Variants in KLHL18 observed in about 807,000 individuals in gnomAD.
KLHL18 encodes the protein kelch-like protein 18.
A neutral mutation model predicts 58.5 loss-of-function variants in KLHL18; 38 were observed. The ratio of observed to expected loss-of-function variants is 0.65; its 90% confidence interval spans 0.50 to 0.85. KLHL18 has a LOEUF of 0.85. Among genes scored for constraint, KLHL18 ranks in the 40% least tolerant of loss-of-function variants. The probability of loss-of-function intolerance (pLI) is 0.00; values close to 1 mark genes in which losing one functional copy is unlikely to be tolerated. For synonymous variants in KLHL18, 303 were observed against 301.9 expected (o/e 1.00, Z -0.04); for missense variants, 624 against 778.4 (o/e 0.80, Z 2.36).
intron 1 of KLHL18, among the ~76,000 whole-genome samples, chr3:47,288,835 G>A (rs1341275243): frequency 6.6e-6 from 1 of 152,156 alleles, no homozygotes; most frequent in African/African-American, 2.4e-5. Context: ...TTGGCATAAG[G>A]CTTGGCCTAG....
Position 47,343,911 on chromosome 3 carries a change from T to A in KLHL18, c.1695T>A (p.Gly565=). ...APMACHEGGV[G]VGCIPLLTI is the part of the protein sequence containing the mutation. ...TGGCGTGCCATGAGGGAGGGGTCGG[T>A]GTGGGCTGCATCCCTCTCCTCACCA... Residue 565 remains glycine, a synonymous_variant, in exon 10 of 10, where the codon GGT becomes GGA. Transcript: ENST00000232766. 1 of 1,613,788 alleles carries A rather than the reference T, an allele frequency of 6.2e-7. No homozygotes were observed. Among genetic ancestry groups the A allele is most frequent in the Non-Finnish European group, 8.5e-7 (1 of 1,179,970 alleles).
At position 47,319,829 on chromosome 3, in the gene KLHL18, A is replaced by C. The variant is rs767749415; in HGVS notation, c.260+46A>C. On this transcript the variant is annotated intron_variant, in intron 2 of 9. Coordinates refer to ENST00000232766, the MANE Select transcript of KLHL18 (RefSeq NM_025010.5). ...GTTTCGCAGGCTGCTTTCCAAGTGC[A>C]GTTTCAGCCTGTGCACGGTTCCGTT... The C allele has an allele frequency of 3.1e-6, 5 of 1,606,022 alleles. No individual in the cohort carries two copies. In the South Asian group the frequency reaches 5.5e-5, roughly 18 times the overall value.
rs10687949 is a variant in KLHL18, at chr3:47,300,637, C to CT, written c.129+17562dup. Among the ~76,000 whole-genome samples the CT allele has an allele frequency of 2.3e-3, 180 of 76,930 alleles. 6 individuals carry two copies. Among genetic ancestry groups the CT allele is most frequent in the African/African-American group, 7.1e-3 (143 of 20,140 alleles). 50.5% of individuals were successfully genotyped at this position (76,930 alleles called of 152,430 possible). A position where few individuals can be genotyped will look rare whatever the true frequency, so the allele number is the denominator to read the frequency against. The stretch of plus-strand genomic sequence containing the variant: ...TGAGTAGTGGTATCTCATTGTGATT[C>CT]TTTTTTTTTTTTTTTTTTTGAGACA... On this transcript the variant is annotated intron_variant, in intron 1 of 9. Coordinates refer to ENST00000232766, the MANE Select transcript of KLHL18 (RefSeq NM_025010.5).
chr3:47,293,872 G>A lies in KLHL18; in HGVS notation c.129+10778G>A, dbSNP rs1391419923. 5.3e-5 allele frequency among the ~76,000 whole-genome samples: 8 copies of A among 152,240 alleles called. No homozygotes were observed. In the East Asian group the frequency reaches 1.5e-3, roughly 29 times the overall value. On this transcript the variant is annotated intron_variant, in intron 1 of 9. Coordinates refer to ENST00000232766, the MANE Select transcript of KLHL18 (RefSeq NM_025010.5). ...TCTAGTCGTGCACAGTTGAAACTCTGGGATTGTCTTTGGCTCATCCTCTCT... is the reference window on the plus strand; with the variant it reads ...TCTAGTCGTGCACAGTTGAAACTCTAGGATTGTCTTTGGCTCATCCTCTCT...
chr3:47,314,055 C>G (rs72909157), intron 1 of KLHL18, among the ~76,000 whole-genome samples: 10,726 of 151,976 alleles, frequency 0.071, 1,268 homozygotes, highest in African/African-American at 0.24. Context: ...TTTTATTTTT[C>G]GAGACATTCT....
At chr3:47,321,451 G>A (rs1703586182) in intron 2 of KLHL18, among the ~76,000 whole-genome samples, 1 of 151,620 alleles carries the variant, frequency 6.6e-6, no homozygotes, top group Admixed American at 6.6e-5. Context: ...TTGGATTCAA[G>A]CGATTCTTCT....
chr3:47,310,479 GTT>G (rs1261195564), intron 1 of KLHL18, among the ~76,000 whole-genome samples: 1 of 152,144 alleles, frequency 6.6e-6, no homozygotes, highest in African/African-American at 2.4e-5. Context: ...CACACTTCGA[GTT>G]CTCTCCCTGA....
In KLHL18 at chr3:47,283,059, C is replaced by G; in HGVS notation, c.94C>G (p.Arg32Gly). The change falls in exon 1 of 10, where the codon CGG (arginine) becomes GGG (glycine). Residue 32 changes from arginine (R) to glycine (G), a missense_variant. Transcript: ENST00000232766. The stretch of plus-strand genomic sequence containing the variant: ...CGGCTACGGCGTCATGGAGGAGATC[C>G]GGCGGCAGGGCAAGCTGTGCGACGT... ...SRGYGVMEEIRRQGKLCDVTL... is the reference protein window; with the variant it reads ...SRGYGVMEEIGRQGKLCDVTL... 1.9e-6 allele frequency: 3 copies of G among 1,594,926 alleles called. No homozygotes were observed. The highest frequency in any genetic ancestry group is 2.6e-6 in the Non-Finnish European group (3 of 1,171,176).
chr3:47,309,804 C>T (rs2107610147), intron 1 of KLHL18, among the ~76,000 whole-genome samples: 1 of 152,328 alleles, frequency 6.6e-6, no homozygotes, highest in East Asian at 1.9e-4. Context: ...TGGAGACCAG[C>T]CCGGCCAACA....
At chr3:47,290,822 G>GCA (rs1167872923) in intron 1 of KLHL18, among the ~76,000 whole-genome samples, 1 of 152,174 alleles carries the variant, frequency 6.6e-6, no homozygotes, top group Non-Finnish European at 1.5e-5. Context: ...TCCTTGAGGG[G>GCA]CACAGCACTT....
At position 47,334,829 on chromosome 3, in the gene KLHL18, G is replaced by A. The variant is rs770820819; in HGVS notation, c.898+10G>A. ...GGCCTCAACTCAGCAGGTACCTTGC[G>A]GCTCCCCTTTATAGACCCTCCTCTT... On this transcript the variant is annotated intron_variant, in intron 6 of 9. Coordinates refer to ENST00000232766, the MANE Select transcript of KLHL18 (RefSeq NM_025010.5). The surrounding 1 kb of genome is among the most constrained non-coding windows in gnomAD (Gnocchi z 4.7). 7.5e-6 allele frequency: 12 copies of A among 1,607,108 alleles called. No homozygotes were observed. Among genetic ancestry groups the A allele is most frequent in the African/African-American group, 2.7e-5 (2 of 74,734 alleles).
At chr3:47,284,441 T>G (rs188532437) in intron 1 of KLHL18, among the ~76,000 whole-genome samples, 2 of 150,096 alleles carry the variant, frequency 1.3e-5, no homozygotes, top group Admixed American at 1.3e-4. Flanking sequence ...GTTCAAGCGA[T>G]TCTCCTGCCT....
At chr3:47,328,639 A>G (rs1220418430) in intron 3 of KLHL18, among the ~76,000 whole-genome samples, 2 of 152,108 alleles carry the variant, frequency 1.3e-5, no homozygotes, top group Non-Finnish European at 2.9e-5. Flanking sequence ...CAATCTCAGC[A>G]CCACCACTTG....
At chr3:47,307,542 T>C (rs76353493) in intron 1 of KLHL18, among the ~76,000 whole-genome samples, 1 of 137,852 alleles carries the variant, frequency 7.3e-6, no homozygotes, top group African/African-American at 2.6e-5. Context: ...ATTTTTCTTC[T>C]TTTTTTTTTT....
chr3:47,342,160 C>T (rs772882925), intron 8 of KLHL18, among the ~76,000 whole-genome samples: 3 of 152,142 alleles, frequency 2.0e-5, no homozygotes, highest in Non-Finnish European at 4.4e-5. Flanking sequence ...AGCCACTGGA[C>T]GGACATGGTG....
At chr3:47,343,055 C>G (rs1704144671) in intron 9 of KLHL18, among the ~76,000 whole-genome samples, 1 of 152,198 alleles carries the variant, frequency 6.6e-6, no homozygotes, top group African/African-American at 2.4e-5. Context: ...AGCCACCACC[C>G]TGTTCTACTG....
chr3:47,319,510 G>A, intron 1 of KLHL18, 143 bp from the exon 2 acceptor site: 1 of 746,100 alleles, frequency 1.3e-6, no homozygotes, highest in Non-Finnish European at 2.2e-6. Flanking sequence ...TGGCCTCCAT[G>A]CCCTGGGATG....
intron 1 of KLHL18, among the ~76,000 whole-genome samples, chr3:47,301,135 C>G (rs924137101): frequency 2.6e-5 from 4 of 151,856 alleles, no homozygotes; most frequent in Non-Finnish European, 4.4e-5. Context: ...ACAGATAGAT[C>G]TTTGTCAGGT....
intron 1 of KLHL18, among the ~76,000 whole-genome samples, chr3:47,302,275 A>G (rs1703043288): frequency 6.6e-6 from 1 of 152,194 alleles, no homozygotes; most frequent in Non-Finnish European, 1.5e-5. Flanking sequence ...TCATGAGGTC[A>G]AGAGATCAAG....
Sources: gnomAD v4.1 joint callset for allele counts (sites outside exome capture counted in the v4.1 genomes callset) on GRCh38, gnomAD v4.1.1 for gene constraint, Gnocchi (gnomAD v3.1) non-coding constraint, MANE v1.5 for transcripts, NCBI Gene and HGNC (gene_info 2026-07-23, HGNC 2026-07-21) for gene names.